ESR1: variants seen among roughly 807,000 people sequenced by gnomAD.
ESR1 encodes the protein estrogen receptor.
In ESR1, 12 loss-of-function variants were observed where a neutral mutation model predicts 52.7. The ratio of observed to expected loss-of-function variants is 0.23; its 90% CI spans 0.15 to 0.37. ESR1 has a LOEUF of 0.37. ESR1 is among the 10% of genes least tolerant of loss of function. The pLI is 1.00. For missense variants in ESR1, 584 were observed against 779.7 expected, an observed-to-expected ratio of 0.75 and a Z score of 2.99; for synonymous variants, 305 against 316.8, an observed-to-expected ratio of 0.96 and a Z score of 0.39.
chr6:152,018,675 T>G (rs1403862967), intron 5 of ESR1, among the ~76,000 whole-genome samples: 1 of 152,068 alleles, frequency 6.6e-6, no homozygotes, highest in Non-Finnish European at 1.5e-5. Flanking sequence ...GGAGACGGCT[T>G]CAGGAATACT....
At chr6:152,120,430 T>G (rs1307218808) in intron 6 of ESR1, among the ~76,000 whole-genome samples, 1 of 152,102 alleles carries the variant, frequency 6.6e-6, no homozygotes. Flanking sequence ...GTCTTCTCTA[T>G]AAAATAACAG....
intron 6 of ESR1, among the ~76,000 whole-genome samples, chr6:152,120,311 A>G (rs956226659): frequency 1.3e-5 from 2 of 152,152 alleles, no homozygotes; most frequent in Non-Finnish European, 1.5e-5. Context: ...CGAGGCCTGA[A>G]GAGTGCTCCA....
At chr6:151,828,537 T>C (rs1420722401) in intron 1 of ESR1, among the ~76,000 whole-genome samples, 3 of 152,206 alleles carry the variant, frequency 2.0e-5, no homozygotes, top group Non-Finnish European at 4.4e-5. Context: ...GGGAATGTCA[T>C]GTAATTTGTT....
At chr6:152,025,578 G>A (rs1184609982) in intron 5 of ESR1, among the ~76,000 whole-genome samples, 1 of 151,812 alleles carries the variant, frequency 6.6e-6, no homozygotes, top group Non-Finnish European at 1.5e-5. Flanking sequence ...TGGTTTGATG[G>A]TTACTTTGAC....
intron 1 of ESR1, among the ~76,000 whole-genome samples, chr6:151,820,299 G>T (rs1019490313): frequency 1.1e-4 from 16 of 152,266 alleles, no homozygotes; most frequent in African/African-American, 3.6e-4. Context: ...TTATAGAGCT[G>T]AATATTGAAT....
chr6:151,835,409 C>CCTGA (rs1188712103), intron 1 of ESR1, among the ~76,000 whole-genome samples: 5 of 152,018 alleles, frequency 3.3e-5, no homozygotes, highest in Non-Finnish European at 7.4e-5. Context: ...AGGGCAGAGC[C>CCTGA]CTGAGGAACA....
intron 7 of ESR1, among the ~76,000 whole-genome samples, chr6:152,096,458 G>C (rs1228015197): frequency 6.6e-6 from 1 of 152,150 alleles, no homozygotes; most frequent in African/African-American, 2.4e-5. Flanking sequence ...GAAAATAGAT[G>C]TATCTCATTT....
intron 3 of ESR1, among the ~76,000 whole-genome samples, chr6:151,896,101 A>G (rs1030265510): frequency 1.3e-5 from 2 of 152,134 alleles, no homozygotes; most frequent in African/African-American, 4.8e-5. Flanking sequence ...GCCCGGCCAG[A>G]TTTTTGCATC....
intron 3 of ESR1, among the ~76,000 whole-genome samples, chr6:151,885,021 G>T (rs148068037): frequency 6.6e-6 from 1 of 151,896 alleles, no homozygotes; most frequent in East Asian, 1.9e-4. Context: ...CCATGATGGC[G>T]CGGGGGTGGG....
chr6:151,922,408 G>A (rs540009134), intron 3 of ESR1, among the ~76,000 whole-genome samples: 3 of 152,242 alleles, frequency 2.0e-5, no homozygotes, highest in South Asian at 4.1e-4. Flanking sequence ...AAATTATTTG[G>A]AAGTGTCTAT....
intron 2 of ESR1, among the ~76,000 whole-genome samples, chr6:151,856,080 C>G (rs1787775701): frequency 6.6e-6 from 1 of 152,118 alleles, no homozygotes; most frequent in Admixed American, 6.5e-5. Flanking sequence ...AGCAGTAAAT[C>G]TATTTTGCAT....
chr6:151,720,816 C>T (rs1781401699), intron 2 of ESR1, among the ~76,000 whole-genome samples: 1 of 152,144 alleles, frequency 6.6e-6, no homozygotes, highest in East Asian at 1.9e-4. Flanking sequence ...GACATGAGGA[C>T]ATAATTTACT....
At chr6:151,814,562 A>G (rs1779327865) in intron 1 of ESR1, among the ~76,000 whole-genome samples, 3 of 152,218 alleles carry the variant, frequency 2.0e-5, no homozygotes, top group Non-Finnish European at 2.9e-5. Context: ...TACCTCAGCC[A>G]GTATAAGAAT....
chr6:151,661,181 C>T (rs1157710319), intron 1 of ESR1, among the ~76,000 whole-genome samples: 1 of 152,178 alleles, frequency 6.6e-6, no homozygotes, highest in Admixed American at 6.5e-5. Context: ...TTTGAAAGCA[C>T]CATGTGGATA....
At chr6:151,986,907 G>A (rs543000975) in intron 4 of ESR1, among the ~76,000 whole-genome samples, 1 of 152,072 alleles carries the variant, frequency 6.6e-6, no homozygotes, top group East Asian at 1.9e-4. Flanking sequence ...GTGAGCATGT[G>A]TGTGTGTGTG....
At chr6:152,095,649 T>C (rs2050549536) in intron 7 of ESR1, among the ~76,000 whole-genome samples, 1 of 152,234 alleles carries the variant, frequency 6.6e-6, no homozygotes, top group African/African-American at 2.4e-5. Flanking sequence ...AAGAGGGACA[T>C]GTTGCCGGGG....
At chr6:151,665,793 T>A (rs1231588653) in intron 1 of ESR1, among the ~76,000 whole-genome samples, 6 of 152,208 alleles carry the variant, frequency 3.9e-5, no homozygotes, top group Non-Finnish European at 4.4e-5. Flanking sequence ...TTCAACTATA[T>A]TTTCTCTTAG....
At chr6:151,686,357 G>A (rs1305493269), upstream of ESR1, among the ~76,000 whole-genome samples, 1 of 152,050 alleles carries the variant, frequency 6.6e-6, no homozygotes, top group Non-Finnish European at 1.5e-5. Flanking sequence ...ACTGAAAAGT[G>A]GACTACTGAT....
At chr6:152,034,853 C>T (rs1476322757) in intron 5 of ESR1, among the ~76,000 whole-genome samples, 2 of 152,198 alleles carry the variant, frequency 1.3e-5, no homozygotes, top group Admixed American at 1.3e-4. Flanking sequence ...CATCATTCAT[C>T]ACTGTAAAGA....
Sources: gnomAD v4.1 joint callset for allele counts (sites outside exome capture counted in the v4.1 genomes callset) on GRCh38, gnomAD v4.1.1 for gene constraint, MANE v1.5 for transcripts, NCBI Gene and HGNC (gene_info 2026-07-23, HGNC 2026-07-21) for gene names.